Variants in MAST4 observed in about 807,000 individuals in gnomAD.
MAST4 encodes microtubule-associated serine/threonine-protein kinase 4.
MAST4 carries 89 observed loss-of-function variants against 162.7 expected under a neutral mutation model. The ratio of observed to expected loss-of-function variants is 0.55; its 90% CI spans 0.46 to 0.65. MAST4 has a LOEUF of 0.65. Among genes scored for constraint, MAST4 ranks in the 30% least tolerant of loss-of-function variants. The pLI, the probability that MAST4 is intolerant of heterozygous loss-of-function variation, is 0.00. For synonymous variants in MAST4, 1,479 were observed against 1,361.1 expected (o/e 1.09, Z -1.91); for missense variants, 3,153 against 3,374.0 (o/e 0.93, Z 1.62).
intron 4 of MAST4, among the ~76,000 whole-genome samples, chr5:67,049,023 G>GTGTATATATATACAGGTA (rs1554087405): frequency 1.2e-5 from 1 of 85,666 alleles, no homozygotes; most frequent in Non-Finnish European, 2.3e-5. Flanking sequence ...ATATATATAC[G>GTGTATATATATACAGGTA]TATATATATA....
intron 7 of MAST4, among the ~76,000 whole-genome samples, chr5:67,096,864 A>C (rs949805234): frequency 1.3e-5 from 2 of 152,158 alleles, no homozygotes; most frequent in Non-Finnish European, 2.9e-5. Flanking sequence ...ACATCCTAAC[A>C]ACCTTAAGTA....
intron 4 of MAST4, chr5:66,963,991 T>C (rs1746339885): frequency 1.4e-6 from 1 of 697,796 alleles, no homozygotes. Context: ...TCTTGACTCA[T>C]TGTTCAATGT....
chr5:66,829,334 T>G (rs781672086), intron 3 of MAST4, among the ~76,000 whole-genome samples: 4 of 152,108 alleles, frequency 2.6e-5, no homozygotes, highest in Admixed American at 6.6e-5. Flanking sequence ...GCTGGGAATT[T>G]TCCCCGTCAG....
chr5:66,979,223 C>A (rs1302831306), intron 4 of MAST4, among the ~76,000 whole-genome samples: 1 of 152,050 alleles, frequency 6.6e-6, no homozygotes, highest in Non-Finnish European at 1.5e-5. Flanking sequence ...GAGATGCACC[C>A]TAGGGAGAAT....
At chr5:67,094,267 C>A in intron 6 of MAST4, 2 of 659,792 alleles carry the variant, frequency 3.0e-6, no homozygotes, top group South Asian at 3.3e-5. Context: ...TTGGAGGTTA[C>A]ACCCATGGCA....
At chr5:67,119,954 C>CA (rs1472478003) in intron 13 of MAST4, among the ~76,000 whole-genome samples, 6 of 151,496 alleles carry the variant, frequency 4.0e-5, no homozygotes, top group Admixed American at 3.9e-4. Flanking sequence ...GATAAGAAAA[C>CA]AAAAAATAAA....
At chr5:66,728,690 C>CAA (rs1751664314) in intron 1 of MAST4, among the ~76,000 whole-genome samples, 1 of 152,202 alleles carries the variant, frequency 6.6e-6, no homozygotes, top group Non-Finnish European at 1.5e-5. Flanking sequence ...AAACAAAGGA[C>CAA]ACCTTCACTG....
chr5:66,905,284 CA>C (rs1472436260), intron 4 of MAST4, among the ~76,000 whole-genome samples: 3 of 117,710 alleles, frequency 2.5e-5, no homozygotes, highest in African/African-American at 1.0e-4. Flanking sequence ...GCCTGGGCAA[CA>C]GAGTGAAACT....
rs568842535 is a variant in MAST4 at position 66,699,887 on chromosome 5, G to A, written c.364-59822G>A. On this transcript the variant is annotated intron_variant, in intron 1 of 28. Transcript: ENST00000403625. ...GCACACATTTGCCTGTGTAACAAAC[G>A]TGCATATTCTGCACATATATCCCGG... Among the ~76,000 whole-genome samples the A allele has an allele frequency of 1.3e-4, 19 of 151,832 alleles. No homozygotes were observed. In the South Asian group the frequency reaches 3.5e-3, roughly 28 times the overall value.
chr5:67,140,680 A>G (rs1257617862), intron 19 of MAST4, among the ~76,000 whole-genome samples: 1 of 152,214 alleles, frequency 6.6e-6, no homozygotes, highest in East Asian at 1.9e-4. Flanking sequence ...TCATTTCCAC[A>G]TCCACAAAAG....
At chr5:66,855,590 A>C (rs1317576785) in intron 3 of MAST4, among the ~76,000 whole-genome samples, 1 of 152,138 alleles carries the variant, frequency 6.6e-6, no homozygotes, top group Non-Finnish European at 1.5e-5. Context: ...GAGGGAGGAG[A>C]GATAAGGAAG....
rs1253070946 is a variant in MAST4, at chr5:66,946,024, A to C, written c.674+46042A>C. Among the ~76,000 whole-genome samples the C allele has an allele frequency of 2.0e-5, 3 of 152,228 alleles. No individual in the cohort carries two copies. The East Asian group carries it at 5.8e-4, about 29-fold the overall frequency. ...CAGCCTCTCTCTTTCTCTTCTTCCCATCTTGAGTTCTCTCACGTTCTTCCT... is the reference window on the plus strand; with the variant it reads ...CAGCCTCTCTCTTTCTCTTCTTCCCCTCTTGAGTTCTCTCACGTTCTTCCT... On this transcript the variant is annotated intron_variant, in intron 4 of 28. Coordinates refer to ENST00000403625, the MANE Select transcript of MAST4 (RefSeq NM_001164664.2).
intron 8 of MAST4, among the ~76,000 whole-genome samples, chr5:67,102,207 T>C (rs900043225): frequency 2.6e-5 from 4 of 152,152 alleles, no homozygotes; most frequent in Admixed American, 1.3e-4. Flanking sequence ...GTTAATTGTT[T>C]TCCAGATCTT....
At chr5:66,879,630 A>C (rs1761558880) in intron 3 of MAST4, among the ~76,000 whole-genome samples, 1 of 152,176 alleles carries the variant, frequency 6.6e-6, no homozygotes, top group Admixed American at 6.5e-5. Context: ...CTCCCAAGTC[A>C]GCCTTCTGAG....
intron 1 of MAST4, among the ~76,000 whole-genome samples, chr5:66,745,495 T>A (rs1752700614): frequency 6.6e-6 from 1 of 152,174 alleles, no homozygotes; most frequent in Admixed American, 6.5e-5. Flanking sequence ...TAATCGATCA[T>A]CGATTAATGA....
intron 1 of MAST4, among the ~76,000 whole-genome samples, chr5:66,694,842 A>G (rs182614783): frequency 6.6e-6 from 1 of 152,264 alleles, no homozygotes; most frequent in East Asian, 1.9e-4. Context: ...ATATTGAGAA[A>G]TGTCCATGTC....
chr5:66,911,044 C>A (rs1349408832), intron 4 of MAST4, among the ~76,000 whole-genome samples: 1 of 152,138 alleles, frequency 6.6e-6, no homozygotes, highest in Non-Finnish European at 1.5e-5. Context: ...CTGCACCCAG[C>A]CCATGTTTTC....
intron 1 of MAST4, among the ~76,000 whole-genome samples, chr5:66,735,926 T>A (rs570208007): frequency 6.6e-6 from 1 of 152,338 alleles, no homozygotes; most frequent in Admixed American, 6.5e-5. Flanking sequence ...TATGAAGACC[T>A]TTATTGTTTC....
intron 4 of MAST4, chr5:66,959,187 C>T (rs761034457): frequency 2.8e-5 from 22 of 778,526 alleles, no homozygotes; most frequent in East Asian, 2.4e-4. Context: ...CTGTCATCAC[C>T]GGGACGCTGG....
Sources: allele counts gnomAD v4.1 joint callset (sites outside exome capture counted in the v4.1 genomes callset), GRCh38; gene constraint gnomAD v4.1.1; transcripts MANE v1.5; gene names NCBI Gene and HGNC (gene_info 2026-07-23, HGNC 2026-07-21).